Variants in APOL6 observed in about 807,000 individuals in gnomAD.
APOL6 encodes apolipoprotein L, 6.
APOL6 carries 1 observed loss-of-function variant against 2.4 expected under a neutral mutation model. The observed-to-expected ratio is 0.41, with a 90% CI of 0.15 to 1.94. APOL6 has a LOEUF of 1.94. Among genes scored for constraint, APOL6 ranks in the 30% most tolerant of loss-of-function variants. The pLI is 0.30. For missense variants in APOL6, 438 were observed against 429.2 expected (o/e 1.02, Z -0.18); for synonymous variants, 189 against 169.3 (o/e 1.12, Z -0.90).
At position 35,665,506 on chromosome 22, in the gene APOL6, A is replaced by G. The variant is rs145825733; in HGVS notation, c.*5910A>G. Reference sequence around the variant, plus strand: ...TCCAGTAAGTTCAGTTTCTCTATGAACTAATCATTCAAGTCAAAGGCACAC... The same window carrying G: ...TCCAGTAAGTTCAGTTTCTCTATGAGCTAATCATTCAAGTCAAAGGCACAC... On this transcript the variant is annotated 3_prime_UTR_variant, in exon 3 of 3. Transcript: ENST00000409652. 9.8e-5 allele frequency: 15 copies of G among 152,306 alleles called. No individual in the cohort carries two copies. The highest frequency in any genetic ancestry group is 3.4e-4 in the African/African-American group (14 of 41,566). 9.4% of individuals were successfully genotyped at this position (152,306 alleles called of 1,614,324 possible).
chr22:35,664,843 C>A lies in APOL6; in HGVS notation c.*5247C>A, dbSNP rs970399515. 1 of 149,754 alleles carries A rather than the reference C, an allele frequency of 6.7e-6. No individual in the cohort carries two copies. Among genetic ancestry groups the A allele is most frequent in the Admixed American group, 6.6e-5 (1 of 15,090 alleles). 9.3% of individuals were successfully genotyped at this position (149,754 alleles called of 1,614,324 possible). On this transcript the variant is annotated 3_prime_UTR_variant, in exon 3 of 3. Transcript: ENST00000409652. ...TGAACAAGTTTTGTCTAATTCAAAG[C>A]TTATTAAAAGGTTATATATAAAACA...
At position 35,667,391 on chromosome 22, in the gene APOL6, C is replaced by T. The variant is rs984288906; in HGVS notation, c.*7795C>T. ...TGCTGTCAGTTCATTGGTAGAGATG[C>T]CATCACTGGGCAAGTGTTCTGAAAA... On this transcript the variant is annotated 3_prime_UTR_variant, in exon 3 of 3. Coordinates refer to ENST00000409652, the MANE Select transcript of APOL6 (RefSeq NM_030641.4). The T allele has an allele frequency of 3.9e-5, 6 of 152,150 alleles. No individual in the cohort carries two copies. The highest frequency in any genetic ancestry group is 1.4e-4 in the African/African-American group (6 of 41,432). The allele number at this position is 152,150 out of a possible 1,614,324, so 9.4% of individuals were successfully genotyped here. A position where few individuals can be genotyped will look rare whatever the true frequency, so the allele number is the denominator to read the frequency against.
chr22:35,657,732 G>A (rs116731919), intron 2 of APOL6, among the ~76,000 whole-genome samples: 2,389 of 152,254 alleles, frequency 0.016, 65 homozygotes, highest in African/African-American at 0.054. Flanking sequence ...CTTTGGGCCA[G>A]GGCATCTGTT....
In APOL6 at chr22:35,668,048, A is replaced by G. The variant is rs1005207822; in HGVS notation, c.*8452A>G. 3 of 152,218 alleles carry G rather than the reference A, an allele frequency of 2.0e-5. No individual in the cohort carries two copies. The highest frequency in any genetic ancestry group is 2.0e-4 in the Admixed American group (3 of 15,284). 9.4% of individuals were successfully genotyped at this position (152,218 alleles called of 1,614,324 possible). Reference sequence around the variant, plus strand: ...GGCTGATAAGAAGCATTTACAATCTATTCTCTCTGAAGTCTTCTACCTGGA... The same window carrying G: ...GGCTGATAAGAAGCATTTACAATCTGTTCTCTCTGAAGTCTTCTACCTGGA... On this transcript the variant is annotated 3_prime_UTR_variant, in exon 3 of 3. Transcript: ENST00000409652.
rs1925177338 is a variant in APOL6 at position 35,666,196 on chromosome 22, T to C, written c.*6600T>C. 6.6e-6 allele frequency: 1 copy of C among 152,236 alleles called. No homozygotes were observed. The highest frequency in any genetic ancestry group is 1.5e-5 in the Non-Finnish European group (1 of 68,050). 9.4% of individuals were successfully genotyped at this position (152,236 alleles called of 1,614,324 possible). A position where few individuals can be genotyped will look rare whatever the true frequency, so the allele number is the denominator to read the frequency against. On this transcript the variant is annotated 3_prime_UTR_variant, in exon 3 of 3. Coordinates refer to ENST00000409652, the MANE Select transcript of APOL6 (RefSeq NM_030641.4). ...GAGGTAAAAAATTTCCTTGTCAGTT[T>C]TGTCTTTTGACTATGGCTGCCTTAA...
Position 35,659,253 on chromosome 22 carries a change from C to T in APOL6, c.689C>T (p.Thr230Ile), listed in dbSNP as rs540748972. 1.9e-6 allele frequency: 3 copies of T among 1,614,172 alleles called. No individual in the cohort carries two copies. The highest frequency in any genetic ancestry group is 2.2e-5 in the East Asian group (1 of 44,880). The change falls in exon 3 of 3, where the codon ACC becomes ATC. Residue 230 changes from threonine (T) to isoleucine (I), a missense_variant. By Grantham distance (89) the Thr-to-Ile change is moderately conservative. Transcript: ENST00000409652. ...KAFAGTTLAMTKNARVLGGVM... is the reference protein window; with the variant it reads ...KAFAGTTLAMIKNARVLGGVM... ...TTTGCGGGAACAACACTGGCGATGA[C>T]CAAAAATGCTCGCGTGCTGGGAGGT...
Position 35,667,015 on chromosome 22 carries a change from G to A in APOL6, c.*7419G>A, listed in dbSNP as rs985724022. ...TCTGTTCTAATTTGTAACAGGACAC[G>A]ATTGGAGAAATTGGTTGTTTTACTA... On this transcript the variant is annotated 3_prime_UTR_variant, in exon 3 of 3. Coordinates refer to ENST00000409652, the MANE Select transcript of APOL6 (RefSeq NM_030641.4). 1 of 152,188 alleles carries A rather than the reference G, an allele frequency of 6.6e-6. No individual in the cohort carries two copies. The highest frequency in any genetic ancestry group is 1.5e-5 in the Non-Finnish European group (1 of 68,030). The allele number at this position is 152,188 out of a possible 1,614,324, so 9.4% of individuals were successfully genotyped here.
chr22:35,663,920 T>C lies in APOL6; in HGVS notation c.*4324T>C, dbSNP rs1300542389. On this transcript the variant is annotated 3_prime_UTR_variant, in exon 3 of 3. Transcript: ENST00000409652. ...TGCCTAATACGTCTTTATATGTATG[T>C]ATGTGTTGTGTACACGATGTTTTAG... 7 of 152,202 alleles carry C rather than the reference T, an allele frequency of 4.6e-5. No individual in the cohort carries two copies. The highest frequency in any genetic ancestry group is 1.7e-4 in the African/African-American group (7 of 41,452). The allele number at this position is 152,202 out of a possible 1,614,324, so 9.4% of individuals were successfully genotyped here.
chr22:35,665,658 T>C lies in APOL6; in HGVS notation c.*6062T>C, dbSNP rs956315163. 2.6e-5 allele frequency: 4 copies of C among 152,234 alleles called. No individual in the cohort carries two copies. Among genetic ancestry groups the C allele is most frequent in the Admixed American group, 2.0e-4 (3 of 15,286 alleles). 9.4% of individuals were successfully genotyped at this position (152,234 alleles called of 1,614,324 possible). ...ATATTTTATAATCAAGATTAAATCT[T>C]ATAGTTTGTTTACAAAATTTTGAAA... On this transcript the variant is annotated 3_prime_UTR_variant, in exon 3 of 3. Transcript: ENST00000409652.
chr22:35,668,129 T>C lies in APOL6; in HGVS notation c.*8533T>C, dbSNP rs889325590. ...CCACAACCTCTTACAACCCAGGCAT[T>C]CCTTTCTATCGATAATTACTCTTTC... On this transcript the variant is annotated 3_prime_UTR_variant, in exon 3 of 3. Transcript: ENST00000409652. 6.6e-6 allele frequency: 1 copy of C among 152,216 alleles called. No homozygotes were observed. The highest frequency in any genetic ancestry group is 2.4e-5 in the African/African-American group (1 of 41,452). The allele number at this position is 152,216 out of a possible 1,614,324, so 9.4% of individuals were successfully genotyped here.
chr22:35,651,044 G>A lies in APOL6; in HGVS notation c.-48+2421G>A, dbSNP rs56248942. On this transcript the variant is annotated intron_variant, in intron 1 of 2. Coordinates refer to ENST00000409652, the MANE Select transcript of APOL6 (RefSeq NM_030641.4). ...GTGGAAGGGAAGAGGATGAGAGAAGGGAGGATGAGCTGAGGGAGAAGCTAT... is the reference window on the plus strand; with the variant it reads ...GTGGAAGGGAAGAGGATGAGAGAAGAGAGGATGAGCTGAGGGAGAAGCTAT... 7.6e-3 allele frequency among the ~76,000 whole-genome samples: 1,154 copies of A among 152,180 alleles called. 10 individuals are homozygous for A. Among genetic ancestry groups the A allele is most frequent in the Non-Finnish European group, 0.01 (687 of 68,004 alleles).
chr22:35,659,254 C>A lies in APOL6; in HGVS notation c.690C>A (p.Thr230=). 6.2e-7 allele frequency: 1 copy of A among 1,614,172 alleles called. No homozygotes were observed. Among genetic ancestry groups the A allele is most frequent in the Non-Finnish European group, 8.5e-7 (1 of 1,180,016 alleles). ...KAFAGTTLAM[T]KNARVLGGVM... ...TTGCGGGAACAACACTGGCGATGACCAAAAATGCTCGCGTGCTGGGAGGTG... is the reference window on the plus strand; with the variant it reads ...TTGCGGGAACAACACTGGCGATGACAAAAAATGCTCGCGTGCTGGGAGGTG... Residue 230 remains threonine, a synonymous_variant, in exon 3 of 3, where the codon ACC becomes ACA. Coordinates refer to ENST00000409652, the MANE Select transcript of APOL6 (RefSeq NM_030641.4).
rs1475578695 is a variant in APOL6 at position 35,665,339 on chromosome 22, A to G, written c.*5743A>G. 1 of 152,190 alleles carries G rather than the reference A, an allele frequency of 6.6e-6. No individual in the cohort carries two copies. Among genetic ancestry groups the G allele is most frequent in the Non-Finnish European group, 1.5e-5 (1 of 68,034 alleles). The allele number at this position is 152,190 out of a possible 1,614,324, so 9.4% of individuals were successfully genotyped here. ...TGATGACAATCAAAGCCTCATCTTA[A>G]GGCCCCGTAGAAGATGCCAATCAAA... On this transcript the variant is annotated 3_prime_UTR_variant, in exon 3 of 3. Coordinates refer to ENST00000409652, the MANE Select transcript of APOL6 (RefSeq NM_030641.4).
At position 35,667,024 on chromosome 22, in the gene APOL6, A is replaced by T. The variant is rs1270808903; in HGVS notation, c.*7428A>T. 6.6e-6 allele frequency: 1 copy of T among 152,208 alleles called. No individual in the cohort carries two copies. The highest frequency in any genetic ancestry group is 1.5e-5 in the Non-Finnish European group (1 of 68,056). 9.4% of individuals were successfully genotyped at this position (152,208 alleles called of 1,614,324 possible). On this transcript the variant is annotated 3_prime_UTR_variant, in exon 3 of 3. Coordinates refer to ENST00000409652, the MANE Select transcript of APOL6 (RefSeq NM_030641.4). ...ATTTGTAACAGGACACGATTGGAGAAATTGGTTGTTTTACTAAGACTTTGA... is the reference window on the plus strand; with the variant it reads ...ATTTGTAACAGGACACGATTGGAGATATTGGTTGTTTTACTAAGACTTTGA...
rs1925196168 is a variant in APOL6 at position 35,666,776 on chromosome 22, T to C, written c.*7180T>C. ...ATAGACTGAACCAATCTTTTTGACT[T>C]TTTGCTTAAAATGTTTGCTGATCCT... is the stretch of plus-strand genomic sequence containing the variant. On this transcript the variant is annotated 3_prime_UTR_variant, in exon 3 of 3. Transcript: ENST00000409652. 6.6e-6 allele frequency: 1 copy of C among 152,146 alleles called. No individual in the cohort carries two copies. 9.4% of individuals were successfully genotyped at this position (152,146 alleles called of 1,614,324 possible).
intron 1 of APOL6, among the ~76,000 whole-genome samples, chr22:35,650,671 T>A (rs950320529): frequency 2.0e-5 from 3 of 152,216 alleles, no homozygotes; most frequent in Non-Finnish European, 2.9e-5. Flanking sequence ...GGCTCATGCC[T>A]GTAATCCCAG....
chr22:35,665,119 C>T lies in APOL6; in HGVS notation c.*5523C>T, dbSNP rs1027571742. On this transcript the variant is annotated 3_prime_UTR_variant, in exon 3 of 3. Transcript: ENST00000409652. ...TTTTATATATATATATACACACACA[C>T]ACACACACCCCAAAAGCTTTTATAT... 5.9e-5 allele frequency: 9 copies of T among 151,972 alleles called. No homozygotes were observed. The highest frequency in any genetic ancestry group is 2.2e-4 in the African/African-American group (9 of 41,376). The allele number at this position is 151,972 out of a possible 1,614,324, so 9.4% of individuals were successfully genotyped here.
At position 35,667,442 on chromosome 22, in the gene APOL6, T is replaced by A. The variant is rs1925218487; in HGVS notation, c.*7846T>A. 6.6e-6 allele frequency: 1 copy of A among 152,196 alleles called. No homozygotes were observed. Among genetic ancestry groups the A allele is most frequent in the Non-Finnish European group, 1.5e-5 (1 of 68,024 alleles). 9.4% of individuals were successfully genotyped at this position (152,196 alleles called of 1,614,324 possible). A position where few individuals can be genotyped will look rare whatever the true frequency, so the allele number is the denominator to read the frequency against. On this transcript the variant is annotated 3_prime_UTR_variant, in exon 3 of 3. Coordinates refer to ENST00000409652, the MANE Select transcript of APOL6 (RefSeq NM_030641.4). ...CATCTTATCTGAATAACAGCAGTCC[T>A]GGAGAACATCTAGGGATCTAGCAAA...
intron 1 of APOL6, among the ~76,000 whole-genome samples, chr22:35,651,456 G>A (rs186043911): frequency 8.5e-4 from 129 of 152,100 alleles, no homozygotes; most frequent in Non-Finnish European, 1.1e-3. Context: ...AATTTCACCC[G>A]GAGAAATGTA....
Sources: gnomAD v4.1 joint callset for allele counts (sites outside exome capture counted in the v4.1 genomes callset) on GRCh38, gnomAD v4.1.1 for gene constraint, MANE v1.5 for transcripts, NCBI Gene and HGNC (gene_info 2026-07-23, HGNC 2026-07-21) for gene names.